Variants in IQCM observed in about 807,000 individuals in gnomAD.
IQCM encodes IQ domain-containing protein M.
In IQCM, 45 loss-of-function variants were observed where a neutral mutation model predicts 57.6. The ratio of observed to expected loss-of-function variants is 0.78; its 90% CI spans 0.62 to 1.00. IQCM has a LOEUF of 1.00. Among genes scored for constraint, IQCM ranks in the 50% least tolerant of loss-of-function variants. IQCM has a pLI of 0.00. For synonymous variants in IQCM, 148 were observed against 158.9 expected, an observed-to-expected ratio of 0.93 and a Z score of 0.51; for missense variants, 468 against 511.6, an observed-to-expected ratio of 0.91 and a Z score of 0.82.
chr4:149,617,140 A>C (rs950917108), intron 8 of IQCM, among the ~76,000 whole-genome samples: 1 of 151,868 alleles, frequency 6.6e-6, no homozygotes, highest in African/African-American at 2.4e-5. Flanking sequence ...TTTTTAGTAG[A>C]GACAGGGTTT....
chr4:149,655,543 A>G (rs1018050766), intron 7 of IQCM, among the ~76,000 whole-genome samples: 1 of 152,158 alleles, frequency 6.6e-6, no homozygotes, highest in East Asian at 1.9e-4. Flanking sequence ...TAATGTGAAC[A>G]GTGGGGAATC....
intron 12 of IQCM, among the ~76,000 whole-genome samples, chr4:149,507,240 A>G (rs570298044): frequency 8.5e-5 from 13 of 152,288 alleles, no homozygotes; most frequent in Non-Finnish European, 1.3e-4. Flanking sequence ...AGACTAATAC[A>G]GTAAATTGGA....
chr4:149,583,772 A>G (rs949956635), intron 9 of IQCM, among the ~76,000 whole-genome samples: 4 of 151,600 alleles, frequency 2.6e-5, no homozygotes, highest in Admixed American at 1.3e-4. Context: ...ATTATAATCT[A>G]TACAGCTTCT....
At chr4:149,536,571 G>A (rs1226955381) in intron 12 of IQCM, among the ~76,000 whole-genome samples, 1 of 151,942 alleles carries the variant, frequency 6.6e-6, no homozygotes, top group Non-Finnish European at 1.5e-5. Flanking sequence ...ATACATGTGT[G>A]AATGTCTAAG....
chr4:149,605,802 TGAGTCACTG>T (rs1163522317), intron 8 of IQCM, among the ~76,000 whole-genome samples: 1 of 95,752 alleles, frequency 1.0e-5, no homozygotes, highest in East Asian at 3.0e-4. Flanking sequence ...CCCCAACTCC[TGAGTCACTG>T]AGTCAGTGAA....
chr4:149,479,751 G>C (rs1035463135), intron 12 of IQCM, among the ~76,000 whole-genome samples: 2 of 152,200 alleles, frequency 1.3e-5, no homozygotes, highest in African/African-American at 4.8e-5. Flanking sequence ...TGCAGAGTCT[G>C]AGCAGGACAA....
At chr4:149,732,206 A>G (rs1180179388) in intron 5 of IQCM, among the ~76,000 whole-genome samples, 2 of 152,120 alleles carry the variant, frequency 1.3e-5, no homozygotes, top group African/African-American at 2.4e-5. Context: ...TATTCCCTTC[A>G]AACTCTAGCC....
intron 12 of IQCM, among the ~76,000 whole-genome samples, chr4:149,535,698 T>G (rs1172958280): frequency 2.0e-5 from 3 of 152,088 alleles, no homozygotes; most frequent in African/African-American, 7.2e-5. Flanking sequence ...AGATTCTCTA[T>G]GCAGCTTACA....
At position 149,687,672 on chromosome 4, in the gene IQCM, C is replaced by T. The variant is rs1177513892; in HGVS notation, c.386-1204G>A. ...AAAAGAAAACTACAGACCAATATCC[C>T]TGATGAACATAGATGCTAACATCCT... On this transcript the variant is annotated intron_variant, in intron 5 of 13. Transcript: ENST00000636793. 3.3e-5 allele frequency among the ~76,000 whole-genome samples: 5 copies of T among 151,728 alleles called. No homozygotes were observed. The Admixed American group carries it at 3.3e-4, about 10-fold the overall frequency.
chr4:149,760,634 T>C (rs142045277), intron 2 of IQCM, among the ~76,000 whole-genome samples: 1,911 of 152,190 alleles, frequency 0.013, 16 homozygotes, highest in South Asian at 0.018. Flanking sequence ...TTTATTAAAA[T>C]ATACAAATAA....
chr4:149,410,164 C>T (rs1430097745), intron 13 of IQCM, among the ~76,000 whole-genome samples: 3 of 152,142 alleles, frequency 2.0e-5, no homozygotes, highest in Non-Finnish European at 4.4e-5. Context: ...GCCTGGGCTA[C>T]AGAGCAAGGC....
intron 6 of IQCM, among the ~76,000 whole-genome samples, chr4:149,684,809 A>C (rs1031980492): frequency 6.6e-6 from 1 of 151,416 alleles, no homozygotes; most frequent in African/African-American, 2.4e-5. Context: ...ACATTAATGA[A>C]ATGAAGCTAA....
chr4:149,459,801 A>C (rs902866695), intron 12 of IQCM, among the ~76,000 whole-genome samples: 1 of 152,224 alleles, frequency 6.6e-6, no homozygotes, highest in Non-Finnish European at 1.5e-5. Context: ...ATCCCATTAT[A>C]TGTATATACC....
At chr4:149,796,669 G>A (rs1298262394) in intron 2 of IQCM, among the ~76,000 whole-genome samples, 1 of 152,080 alleles carries the variant, frequency 6.6e-6, no homozygotes, top group African/African-American at 2.4e-5. Context: ...GTGGCCACAG[G>A]GGTTCTTGAG....
intron 7 of IQCM, among the ~76,000 whole-genome samples, chr4:149,669,021 T>G (rs898746263): frequency 6.6e-6 from 1 of 152,160 alleles, no homozygotes; most frequent in South Asian, 2.1e-4. Flanking sequence ...AATTTAAACA[T>G]ATCTTTATAA....
At chr4:149,437,431 G>A (rs930516009) in intron 12 of IQCM, among the ~76,000 whole-genome samples, 2 of 152,000 alleles carry the variant, frequency 1.3e-5, no homozygotes, top group East Asian at 1.9e-4. Flanking sequence ...CTCTCAGTTC[G>A]CTAAGAATAA....
chr4:149,760,116 G>C (rs1219759720), intron 2 of IQCM, among the ~76,000 whole-genome samples: 1 of 151,950 alleles, frequency 6.6e-6, no homozygotes, highest in Non-Finnish European at 1.5e-5. Context: ...GATTTTGTTA[G>C]GGTACTGGGT....
intron 13 of IQCM, among the ~76,000 whole-genome samples, chr4:149,376,944 T>G (rs916775026): frequency 6.6e-6 from 1 of 152,092 alleles, no homozygotes; most frequent in Non-Finnish European, 1.5e-5. Flanking sequence ...ATATCTACAA[T>G]TTAATATAAT....
At position 149,534,003 on chromosome 4, in the gene IQCM, C is replaced by A. The variant is rs1030252037; in HGVS notation, c.1228+14452G>T. On this transcript the variant is annotated intron_variant, in intron 12 of 13. Transcript: ENST00000636793. Reference sequence around the variant, plus strand: ...AAAAAGTCCAAGAATGATAATATATCTGGCAGGGAAATTCTACTGCTTTAT... The same window carrying A: ...AAAAAGTCCAAGAATGATAATATATATGGCAGGGAAATTCTACTGCTTTAT... 3.9e-5 allele frequency among the ~76,000 whole-genome samples: 6 copies of A among 152,068 alleles called. No individual in the cohort carries two copies. In the Admixed American group the frequency reaches 3.9e-4, roughly 10 times the overall value.
Sources: gnomAD v4.1 joint callset for allele counts (sites outside exome capture counted in the v4.1 genomes callset) on GRCh38, gnomAD v4.1.1 for gene constraint, MANE v1.5 for transcripts, NCBI Gene and HGNC (gene_info 2026-07-23, HGNC 2026-07-21) for gene names.